TMC8: variants seen among roughly 807,000 people sequenced by gnomAD.
The protein encoded by TMC8 is transmembrane channel like 8.
A neutral mutation model predicts 76.0 loss-of-function variants in TMC8; 71 were observed. That is an observed-to-expected ratio of 0.93 (90% CI 0.77 to 1.14). The LOEUF is 1.14. Ranked by LOEUF, TMC8 falls within the 50% of genes most tolerant of loss-of-function variation. The pLI is 0.00. For missense variants in TMC8, 924 were observed against 947.9 expected (o/e 0.97, Z 0.33); for synonymous variants, 433 against 433.8 (o/e 1.00, Z 0.02).
chr17:78,131,605 C>A lies in TMC8; in HGVS notation c.17C>A (p.Ser6Ter). 1 of 1,547,724 alleles carries A rather than the reference C, an allele frequency of 6.5e-7. No individual in the cohort carries two copies. The highest frequency in any genetic ancestry group is 1.2e-5 in the South Asian group (1 of 84,046). MLLPR[S>*]VSSERAPGVP... ...CCCGCCGAGATGCTGCTGCCGCGGT[C>A]GGTGTCATCGGAGCGGGCCCCTGGG... is the stretch of plus-strand genomic sequence containing the variant. The change falls in exon 2 of 16, where the codon TCG (serine) becomes TAG (stop). Residue 6 changes from serine to a stop codon, truncating the protein, a stop_gained. Coordinates refer to ENST00000318430, the MANE Select transcript of TMC8 (RefSeq NM_152468.5). LOFTEE classifies it high-confidence loss of function.
At position 78,132,890 on chromosome 17, in the gene TMC8, G is replaced by GC. The variant is rs2075067072; in HGVS notation, c.531+21dup. The GC allele has an allele frequency of 6.2e-7, 1 of 1,613,696 alleles. No homozygotes were observed. The highest frequency in any genetic ancestry group is 8.5e-7 in the Non-Finnish European group (1 of 1,179,580). On this transcript the variant is annotated intron_variant, in intron 5 of 15. Transcript: ENST00000318430. ...GGCAGGGTGAGTGAGGTCTGTCCCGGCTATGGTCCAGAGTCTGGGAGACCC... is the reference window on the plus strand; with the variant it reads ...GGCAGGGTGAGTGAGGTCTGTCCCGGCCTATGGTCCAGAGTCTGGGAGACCC...
intron 10 of TMC8, 36 bp downstream of exon 10, chr17:78,137,394 C>T: frequency 6.2e-7 from 1 of 1,613,284 alleles, no homozygotes. Flanking sequence ...TCCCTCCCTT[C>T]CTTCTCCCCA....
At position 78,133,466 on chromosome 17, in the gene TMC8, G is replaced by A. The variant is rs138026813; in HGVS notation, c.592G>A (p.Val198Met). The A allele has an allele frequency of 2.0e-5, 33 of 1,613,564 alleles. No homozygotes were observed. The highest frequency in any genetic ancestry group is 5.3e-5 in the African/African-American group (4 of 74,918). Residue 198 changes from valine to methionine, a missense_variant, in exon 6 of 16, where the codon GTG becomes ATG. Val to Met is a conservative substitution (Grantham distance 21). Transcript: ENST00000318430. ...AYRVGPESSSVYSIRLAYLLS... is the reference protein window; with the variant it reads ...AYRVGPESSSMYSIRLAYLLS... The stretch of plus-strand genomic sequence containing the variant: ...CCGAGTGGGGCCGGAGAGCAGCTCC[G>A]TGTACAGCATCCGCCTGGCCTACCT...
rs574307321 is a variant in TMC8 at position 78,132,570 on chromosome 17, C to T, written c.448+62C>T. On this transcript the variant is annotated intron_variant, in intron 4 of 15. Transcript: ENST00000318430. The stretch of plus-strand genomic sequence containing the variant: ...CCCACCTGCGCCATGGGGGGGCTGG[C>T]CCAGGGCCCAGAGCGTGGCGACAAC... The T allele has an allele frequency of 5.5e-5, 86 of 1,566,260 alleles. 1 individual carries two copies. In the South Asian group the frequency reaches 7.9e-4, roughly 14 times the overall value.
In TMC8 at chr17:78,141,036, G is replaced by A. The variant is rs2075363469; in HGVS notation, c.2105G>A (p.Arg702His). 1 of 1,605,256 alleles carries A rather than the reference G, an allele frequency of 6.2e-7. No homozygotes were observed. The stretch of plus-strand genomic sequence containing the variant: ...TCCGTCGTGGATGCCGCGGGACTGC[G>A]TTCCCCTTGCCCTGGACAGCACGGT... ...GPSVVDAAGL[R>H]SPCPGQHGAP... The change falls in exon 16 of 16, where the codon CGT (arginine) becomes CAT (histidine). Residue 702 changes from arginine to histidine, a missense_variant. Coordinates refer to ENST00000318430, the MANE Select transcript of TMC8 (RefSeq NM_152468.5).
rs1568011732 is a variant in TMC8, at chr17:78,131,681, C to CT, written c.94dup (p.Ser32PhefsTer111). ...AGGCAGAGATGGAGCGGCTGCGCGGCTCTGGGACGCCCGTGCGCGGGCTGC... is the reference window on the plus strand; with the variant it reads ...AGGCAGAGATGGAGCGGCTGCGCGGCTTCTGGGACGCCCGTGCGCGGGCTGC... On this transcript the variant is annotated frameshift_variant, in exon 2 of 16. Coordinates refer to ENST00000318430, the MANE Select transcript of TMC8 (RefSeq NM_152468.5). LOFTEE classifies it high-confidence loss of function. The CT allele has an allele frequency of 5.1e-6, 8 of 1,575,162 alleles. No homozygotes were observed. In the South Asian group the frequency reaches 9.3e-5, roughly 18 times the overall value.
chr17:78,132,319 G>A, intron 3 of TMC8, 40 bp from the exon 4 acceptor site: 1 of 1,608,512 alleles, frequency 6.2e-7, no homozygotes, highest in Non-Finnish European at 8.5e-7. Context: ...CCCCAGCCCC[G>A]GCCCCGGCCT....
chr17:78,135,149 C>G, intron 9 of TMC8, 140 bp downstream of exon 9: 1 of 1,112,940 alleles, frequency 9.0e-7, no homozygotes, highest in East Asian at 2.5e-5. Flanking sequence ...AAGGCAGGTA[C>G]ACACCTCACA....
rs778730509 is a variant in TMC8, at chr17:78,141,060, G to A, written c.2129G>A (p.Gly710Asp). ...GLRSPCPGQHGAPASARRFRF... is the reference protein window; with the variant it reads ...GLRSPCPGQHDAPASARRFRF... ...CGTTCCCCTTGCCCTGGACAGCACGGTGCCCCGGCCTCCGCCCGCAGATTC... is the reference window on the plus strand; with the variant it reads ...CGTTCCCCTTGCCCTGGACAGCACGATGCCCCGGCCTCCGCCCGCAGATTC... The change falls in exon 16 of 16, where the codon GGT becomes GAT. Residue 710 changes from glycine to aspartate, a missense_variant. Transcript: ENST00000318430. 8 of 1,596,454 alleles carry A rather than the reference G, an allele frequency of 5.0e-6. No individual in the cohort carries two copies. In the East Asian group the frequency reaches 1.8e-4, roughly 36 times the overall value.
chr17:78,141,045 G>T lies in TMC8; in HGVS notation c.2114G>T (p.Cys705Phe), dbSNP rs749559253. The T allele has an allele frequency of 4.4e-6, 7 of 1,604,474 alleles. No homozygotes were observed. Among genetic ancestry groups the T allele is most frequent in the Non-Finnish European group, 5.1e-6 (6 of 1,177,354 alleles). The change falls in exon 16 of 16, where the codon TGC (cysteine) becomes TTC (phenylalanine). Residue 705 changes from cysteine to phenylalanine, a missense_variant. Cys to Phe is a radical substitution (Grantham distance 205). Transcript: ENST00000318430. ...GATGCCGCGGGACTGCGTTCCCCTT[G>T]CCCTGGACAGCACGGTGCCCCGGCC... ...VVDAAGLRSP[C>F]PGQHGAPASA...
At chr17:78,131,770 G>GT (rs749926936) in intron 2 of TMC8, 33 bp downstream of exon 2, 1 of 1,563,530 alleles carries the variant, frequency 6.4e-7, no homozygotes, top group African/African-American at 1.4e-5. Flanking sequence ...ACGGTGCGTG[G>GT]GGGGGGTGCT....
rs1555661263 is a variant in TMC8 at position 78,131,443 on chromosome 17, A to ACGCCGG, written c.-142_-137dup. ...TAGGGCTGCAGGAGCCCAGGCCCCG[A>ACGCCGG]CGCCGGCGCAGAGGGGACGGAAGGG... On this transcript the variant is annotated 5_prime_UTR_variant, in exon 2 of 16. Coordinates refer to ENST00000318430, the MANE Select transcript of TMC8 (RefSeq NM_152468.5). 1 of 1,186,588 alleles carries ACGCCGG rather than the reference A, an allele frequency of 8.4e-7. No individual in the cohort carries two copies. The highest frequency in any genetic ancestry group is 1.2e-6 in the Non-Finnish European group (1 of 838,330). 73.5% of individuals were successfully genotyped at this position (1,186,588 alleles called of 1,614,324 possible).
At position 78,134,461 on chromosome 17, in the gene TMC8, G is replaced by A. The variant is rs373918852; in HGVS notation, c.884G>A (p.Arg295His). 36 of 1,613,766 alleles carry A rather than the reference G, an allele frequency of 2.2e-5. No individual in the cohort carries two copies. Among genetic ancestry groups the A allele is most frequent in the Non-Finnish European group, 2.9e-5 (34 of 1,180,046 alleles). The change falls in exon 8 of 16, where the codon CGC becomes CAC. Residue 295 changes from arginine to histidine, a missense_variant. Transcript: ENST00000318430. ...QQQTRAQTAC[R>H]LLSYLRVNVL... is the part of the protein sequence containing the mutation. ...CAGACCCGGGCCCAGACGGCCTGCC[G>A]CCTGCTCTCCTACCTGCGGGTCAAC...
rs750954308 is a variant in TMC8 at position 78,137,717 on chromosome 17, T to C, written c.1252T>C (p.Cys418Arg). The change falls in exon 11 of 16, where the codon TGC becomes CGC. Residue 418 changes from cysteine (C) to arginine (R), a missense_variant and splice_region_variant. Coordinates refer to ENST00000318430, the MANE Select transcript of TMC8 (RefSeq NM_152468.5). ...SYGYNVCDYQ[C>R]WENSVGEELY... ...CGGGTCCCCTTCCCCTGCACCCCAGTGCTGGGAGAACTCCGTGGGGGAGGA... is the reference window on the plus strand; with the variant it reads ...CGGGTCCCCTTCCCCTGCACCCCAGCGCTGGGAGAACTCCGTGGGGGAGGA... The C allele has an allele frequency of 3.1e-6, 5 of 1,613,156 alleles. No individual in the cohort carries two copies. In the South Asian group the frequency reaches 4.4e-5, roughly 14 times the overall value.
intron 9 of TMC8, 101 bp from the exon 10 acceptor site, chr17:78,137,134 A>G: frequency 6.4e-7 from 1 of 1,554,838 alleles, no homozygotes; most frequent in Admixed American, 1.8e-5. Context: ...GGCCCAGGAC[A>G]CAACATGATC....
At position 78,137,867 on chromosome 17, in the gene TMC8, G is replaced by A. The variant is rs552239994; in HGVS notation, c.1349+53G>A. On this transcript the variant is annotated intron_variant, in intron 11 of 15. Coordinates refer to ENST00000318430, the MANE Select transcript of TMC8 (RefSeq NM_152468.5). ...GGGCGGGGGTGCCGCGAGCATGTTG[G>A]GGGTGGCCAGTGGCTACAGCCAAGG... 3.7e-6 allele frequency: 6 copies of A among 1,602,832 alleles called. No homozygotes were observed. The African/African-American group carries it at 6.7e-5, about 18-fold the overall frequency.
Position 78,131,980 on chromosome 17 carries a change from G to C in TMC8, c.248G>C (p.Arg83Pro), listed in dbSNP as rs1021551980. The C allele has an allele frequency of 1.5e-4, 224 of 1,522,628 alleles. No individual in the cohort carries two copies. Among genetic ancestry groups the C allele is most frequent in the Middle Eastern group, 1.9e-4 (1 of 5,238 alleles). The allele number at this position is 1,522,628 out of a possible 1,614,324, so 94.3% of individuals were successfully genotyped here. The change falls in exon 3 of 16, where the codon CGG becomes CCG. Residue 83 changes from arginine to proline, a missense_variant. Coordinates refer to ENST00000318430, the MANE Select transcript of TMC8 (RefSeq NM_152468.5). ...AGGCGCCTGCGGGAGGCAGCGCAGC[G>C]GCTGGCCCGGGGCCTTGGGCTCTGG... Reference protein sequence around the residue: ...VERRLREAAQRLARGLGLWEG... With the variant: ...VERRLREAAQPLARGLGLWEG...
At position 78,131,568 on chromosome 17, in the gene TMC8, C is replaced by T; in HGVS notation, c.-21C>T. 6.5e-7 allele frequency: 1 copy of T among 1,541,486 alleles called. No individual in the cohort carries two copies. The highest frequency in any genetic ancestry group is 2.0e-5 in the Admixed American group (1 of 50,972). On this transcript the variant is annotated 5_prime_UTR_variant, in exon 2 of 16. Coordinates refer to ENST00000318430, the MANE Select transcript of TMC8 (RefSeq NM_152468.5). ...CCCCACCGGCAGCCCGGCGCCCCAG[C>T]CTCTACCCGTGCCCGCCGAGATGCT...
chr17:78,134,960 C>T lies in TMC8; in HGVS notation c.1078C>T (p.Gln360Ter), dbSNP rs2075183309. 1.9e-6 allele frequency: 3 copies of T among 1,613,978 alleles called. No homozygotes were observed. Among genetic ancestry groups the T allele is most frequent in the South Asian group, 1.1e-5 (1 of 91,086 alleles). ...LGPLLFTFLV[Q>*]LENYPPNTEV... is the part of the protein sequence containing the mutation. ...TCCCCTGCTGTTCACATTTCTGGTC[C>T]AGCTGGAGAACTACCCTCCCAACAC... The change falls in exon 9 of 16, where the codon CAG becomes TAG. Residue 360 changes from glutamine to a stop codon, truncating the protein, a stop_gained. Coordinates refer to ENST00000318430, the MANE Select transcript of TMC8 (RefSeq NM_152468.5). LOFTEE classifies it high-confidence loss of function.
Sources: gnomAD v4.1 joint callset for allele counts on GRCh38, gnomAD v4.1.1 for gene constraint, MANE v1.5 for transcripts, NCBI Gene and HGNC (gene_info 2026-07-23, HGNC 2026-07-21) for gene names.